The following WDFY3 variants were observed in gnomAD, a reference collection of about 807,000 sequenced individuals.
WDFY3 encodes the protein WD repeat and FYVE domain containing 3, also known as WD repeat and FYVE domain-containing protein 3.
Under a neutral mutation model 409.6 loss-of-function variants are expected in WDFY3, and 66 were observed. The ratio of observed to expected loss-of-function variants is 0.16; its 90% CI spans 0.13 to 0.20. The LOEUF is 0.20. Among genes scored for constraint, WDFY3 ranks in the 10% least tolerant of loss-of-function variants. The probability of loss-of-function intolerance (pLI) is 1.00; values close to 1 mark genes in which losing one functional copy is unlikely to be tolerated. For missense variants in WDFY3, 3,031 were observed against 4,298.1 expected (o/e 0.71, Z 8.24); for synonymous variants, 1,521 against 1,537.1 (o/e 0.99, Z 0.25).
intron 4 of WDFY3, 26 bp downstream of exon 4, chr4:84,860,386 G>A (rs756784709): frequency 6.3e-7 from 1 of 1,597,918 alleles, no homozygotes; most frequent in South Asian, 1.1e-5. Flanking sequence ...GTCCCGGAAG[G>A]TGTGTGTCTG....
At chr4:84,965,871 C>G (rs1775615886) in intron 1 of WDFY3, 1 of 152,498 alleles carries the variant, frequency 6.6e-6, no homozygotes, top group African/African-American at 2.4e-5. Context: ...AACGTCCAGC[C>G]CTCTCCTCCC....
chr4:84,741,510 T>C (rs1298844492), intron 38 of WDFY3, among the ~76,000 whole-genome samples: 1 of 152,112 alleles, frequency 6.6e-6, no homozygotes, highest in Non-Finnish European at 1.5e-5. Context: ...AGACAGGGTC[T>C]CACCATGTCG....
Position 84,753,885 on chromosome 4 carries a change from G to C in WDFY3, c.5560-9C>G. The C allele has an allele frequency of 6.4e-7, 1 of 1,570,550 alleles. No individual in the cohort carries two copies. The highest frequency in any genetic ancestry group is 8.6e-7 in the Non-Finnish European group (1 of 1,162,224). ...TCTTCTGATTGCCAAGGCTGTTATGGGGACATGAGAGGAAACACTATGTTA... is the reference window on the plus strand; with the variant it reads ...TCTTCTGATTGCCAAGGCTGTTATGCGGACATGAGAGGAAACACTATGTTA... On this transcript the variant is annotated splice_polypyrimidine_tract_variant and intron_variant, in intron 34 of 67. Transcript: ENST00000295888.
At position 84,860,405 on chromosome 4, in the gene WDFY3, G is replaced by A; in HGVS notation, c.180+7C>T. The A allele has an allele frequency of 1.2e-6, 2 of 1,609,302 alleles. No individual in the cohort carries two copies. The highest frequency in any genetic ancestry group is 2.2e-5 in the South Asian group (2 of 90,694). ...CGGAAGGTGTGTGTCTGGCAACCTGGACTTACCCTGTTAAACACTGGCAGC... is the reference window on the plus strand; with the variant it reads ...CGGAAGGTGTGTGTCTGGCAACCTGAACTTACCCTGTTAAACACTGGCAGC... On this transcript the variant is annotated splice_region_variant and intron_variant, in intron 4 of 67. Transcript: ENST00000295888.
At chr4:84,859,860 CCACCA>C (rs1471806335) in intron 4 of WDFY3, among the ~76,000 whole-genome samples, 1 of 152,180 alleles carries the variant, frequency 6.6e-6, no homozygotes, top group African/African-American at 2.4e-5. Context: ...CAGGCGTGAG[CCACCA>C]CGCCTGGCCT....
At chr4:84,695,553 G>GAGAGAGAGAGAGAGA (rs1193005670) in intron 58 of WDFY3, among the ~76,000 whole-genome samples, 6 of 138,218 alleles carry the variant, frequency 4.3e-5, no homozygotes, top group African/African-American at 8.0e-5. Context: ...GAGAGAGAGA[G>GAGAGAGAGAGAGAGA]GCACGCATAG....
At position 84,810,388 on chromosome 4, in the gene WDFY3, C is replaced by CA. The variant is rs377016613; in HGVS notation, c.1888-45dup. The CA allele has an allele frequency of 0.1, 81,644 of 806,162 alleles. 33 individuals are homozygous for CA. The highest frequency in any genetic ancestry group is 0.11 in the Non-Finnish European group (62,593 of 590,590). The allele number at this position is 806,162 out of a possible 1,614,324, so 49.9% of individuals were successfully genotyped here. On this transcript the variant is annotated intron_variant, in intron 13 of 67. Transcript: ENST00000295888. ...AAAACAAATGAAAATACACATAATT[C>CA]AAAAAAAAAAAAAAACCACTATGCA...
intron 56 of WDFY3, among the ~76,000 whole-genome samples, chr4:84,700,535 A>G (rs1730910103): frequency 6.6e-6 from 1 of 152,210 alleles, no homozygotes; most frequent in Non-Finnish European, 1.5e-5. Context: ...TGCTATTTCA[A>G]GGAGGGAAGA....
chr4:84,760,075 T>A (rs1742254587), intron 32 of WDFY3, among the ~76,000 whole-genome samples: 1 of 151,602 alleles, frequency 6.6e-6, no homozygotes, highest in African/African-American at 2.4e-5. Context: ...GTGGTTTTTG[T>A]CTTTGGTTCT....
rs1011033151 is a variant in WDFY3 at position 84,808,223 on chromosome 4, A to T, written c.2429+111T>A. The T allele has an allele frequency of 5.3e-6, 5 of 941,986 alleles. No individual in the cohort carries two copies. In the African/African-American group the frequency reaches 8.4e-5, roughly 16 times the overall value. The allele number at this position is 941,986 out of a possible 1,614,324, so 58.4% of individuals were successfully genotyped here. On this transcript the variant is annotated intron_variant, in intron 15 of 67. Coordinates refer to ENST00000295888, the MANE Select transcript of WDFY3 (RefSeq NM_014991.6). Reference sequence around the variant, plus strand: ...CAAAAGTAAAAACAAAACAAAACAAAACAAAAAAAAACTGAAATCACAAAA... The same window carrying T: ...CAAAAGTAAAAACAAAACAAAACAATACAAAAAAAAACTGAAATCACAAAA...
chr4:84,908,037 C>G (rs1163351279), intron 2 of WDFY3, among the ~76,000 whole-genome samples: 1 of 152,028 alleles, frequency 6.6e-6, no homozygotes, highest in Admixed American at 6.6e-5. Flanking sequence ...AATGAAGGGA[C>G]TGGAGATATA....
At chr4:84,941,449 C>T (rs199823457) in intron 1 of WDFY3, among the ~76,000 whole-genome samples, 1 of 151,918 alleles carries the variant, frequency 6.6e-6, no homozygotes, top group Non-Finnish European at 1.5e-5. Flanking sequence ...TGTGCAAAAT[C>T]TGTCTACTGA....
chr4:84,839,244 T>C (rs1757004121), intron 6 of WDFY3, among the ~76,000 whole-genome samples: 1 of 152,018 alleles, frequency 6.6e-6, no homozygotes, highest in African/African-American at 2.4e-5. Context: ...ATATCAATAG[T>C]AAATATCTAA....
chr4:84,937,730 C>A (rs1185466161), intron 1 of WDFY3, among the ~76,000 whole-genome samples: 1 of 152,088 alleles, frequency 6.6e-6, no homozygotes, highest in Non-Finnish European at 1.5e-5. Context: ...ATAAAAGAAC[C>A]TATAAAATTT....
intron 52 of WDFY3, 92 bp downstream of exon 52, chr4:84,709,201 T>C (rs1732488143): frequency 1.4e-6 from 2 of 1,410,972 alleles, no homozygotes; most frequent in African/African-American, 1.5e-5. Flanking sequence ...CTCTATGGTA[T>C]ATATTTTATG....
At chr4:84,721,361 A>G (rs1342318165) in intron 47 of WDFY3, 48 bp downstream of exon 47, 1 of 1,599,722 alleles carries the variant, frequency 6.3e-7, no homozygotes, top group Non-Finnish European at 8.5e-7. Flanking sequence ...TGTCTTAATA[A>G]TATGTTACTG....
chr4:84,784,734 A>T (rs1420555852), intron 24 of WDFY3, among the ~76,000 whole-genome samples: 1 of 151,216 alleles, frequency 6.6e-6, no homozygotes, highest in South Asian at 2.1e-4. Flanking sequence ...GCTACTCAGG[A>T]GGCTGAGGCA....
chr4:84,785,895 T>A (rs1470938991), intron 24 of WDFY3, 84 bp downstream of exon 24: 1 of 1,490,350 alleles, frequency 6.7e-7, no homozygotes, highest in Non-Finnish European at 9.1e-7. Context: ...CAGTCACTCA[T>A]AATTGAGTAG....
At chr4:84,724,290 A>G in intron 46 of WDFY3, 136 bp downstream of exon 46, 1 of 935,168 alleles carries the variant, frequency 1.1e-6, no homozygotes, top group Non-Finnish European at 1.5e-6. Context: ...ATCTTTAAGA[A>G]GGGTGAGATG....
Sources: gnomAD v4.1 joint callset for allele counts (sites outside exome capture counted in the v4.1 genomes callset) on GRCh38, gnomAD v4.1.1 for gene constraint, MANE v1.5 for transcripts, NCBI Gene and HGNC (gene_info 2026-07-23, HGNC 2026-07-21) for gene names.